Variants in MSRB1 observed in about 807,000 individuals in gnomAD.
MSRB1 encodes methionine sulfoxide reductase B1.
In MSRB1, 13 loss-of-function variants were observed where a neutral mutation model predicts 15.2. The ratio of observed to expected loss-of-function variants is 0.86; its 90% CI spans 0.56 to 1.36. The LOEUF is 1.36. MSRB1 is among the 40% of genes most tolerant of loss of function. MSRB1 has a pLI of 0.00. For synonymous variants in MSRB1, 68 were observed against 64.5 expected, an observed-to-expected ratio of 1.05 and a Z score of -0.26; for missense variants, 174 against 155.9, an observed-to-expected ratio of 1.12 and a Z score of -0.62.
chr16:1,940,245 T>C (rs138792635), intron 3 of MSRB1, among the ~76,000 whole-genome samples: 3 of 149,972 alleles, frequency 2.0e-5, no homozygotes, highest in African/African-American at 7.4e-5. Context: ...CACACCAGCC[T>C]GCACGACAGA....
At chr16:1,940,964 C>G (rs1255367155) in intron 2 of MSRB1, 72 bp from the exon 3 acceptor site, 2 of 1,602,894 alleles carry the variant, frequency 1.2e-6, no homozygotes, top group African/African-American at 2.7e-5. Flanking sequence ...CTTACTGGGG[C>G]TGGCAGATGG....
intron 2 of MSRB1, 76 bp downstream of exon 2, chr16:1,941,181 A>G: frequency 6.3e-7 from 1 of 1,589,300 alleles, no homozygotes; most frequent in Non-Finnish European, 8.6e-7. Flanking sequence ...TGGGGCAAGC[A>G]GAGGGAGGAA....
chr16:1,943,120 G>A lies in MSRB1; in HGVS notation c.37C>T (p.Gln13Ter). 1.3e-6 allele frequency: 2 copies of A among 1,561,604 alleles called. No homozygotes were observed. Among genetic ancestry groups the A allele is most frequent in the Non-Finnish European group, 1.7e-6 (2 of 1,152,952 alleles). ...GACCAACCAGGTTCAAAGTGATTCTGGAAAACCTCGCCCCCGAAGAAGCTG... is the reference window on the plus strand; with the variant it reads ...GACCAACCAGGTTCAAAGTGATTCTAGAAAACCTCGCCCCCGAAGAAGCTG... ...FCSFFGGEVF[Q>*]NHFEPGVYVC... Residue 13 changes from glutamine (Q) to a stop codon, truncating the protein, a stop_gained, in exon 1 of 4, where the codon CAG becomes TAG. Transcript: ENST00000361871. LOFTEE classifies it high-confidence loss of function.
At chr16:1,940,327 A>G (rs1422863167) in intron 3 of MSRB1, among the ~76,000 whole-genome samples, 1 of 150,420 alleles carries the variant, frequency 6.6e-6, no homozygotes, top group East Asian at 1.9e-4. Flanking sequence ...TGCCAGGCCC[A>G]GGTGCACGTG....
intron 1 of MSRB1, 85 bp from the exon 2 acceptor site, chr16:1,941,490 GAC>G (rs767240231): frequency 8.7e-6 from 13 of 1,486,250 alleles, no homozygotes; most frequent in Non-Finnish European, 1.1e-5. Context: ...CCCAGGCAAA[GAC>G]AGCGCTGCCC....
chr16:1,940,687 T>A, intron 3 of MSRB1, 91 bp downstream of exon 3: 1 of 1,450,516 alleles, frequency 6.9e-7, no homozygotes, highest in Non-Finnish European at 9.3e-7. Context: ...CCATACCTTG[T>A]CATGGTAAGT....
rs1047039697 is a variant in MSRB1 at position 1,943,063 on chromosome 16, C to A, written c.55+39G>T. On this transcript the variant is annotated intron_variant, in intron 1 of 3. Transcript: ENST00000361871. ...GGCGCCCCCGCTAATGCGCGCCCCC[C>A]GCCGCGCTGCCCTCCCAGCGAGAGG... is the stretch of plus-strand genomic sequence containing the variant. The A allele has an allele frequency of 7.1e-6, 11 of 1,548,766 alleles. No individual in the cohort carries two copies. In the African/African-American group the frequency reaches 1.1e-4, roughly 15 times the overall value.
At chr16:1,941,157 A>C (rs1269072444) in intron 2 of MSRB1, 100 bp downstream of exon 2, 2 of 1,565,526 alleles carry the variant, frequency 1.3e-6, no homozygotes, top group Admixed American at 3.8e-5. Context: ...GACGCCTCTA[A>C]GCCCCTGGAG....
At chr16:1,941,001 A>G (rs781303447) in intron 2 of MSRB1, 109 bp from the exon 3 acceptor site, 2 of 1,565,400 alleles carry the variant, frequency 1.3e-6, no homozygotes, top group Non-Finnish European at 1.7e-6. Context: ...CCTATTTCCC[A>G]AGCTGACCGC....
chr16:1,943,029 G>C, intron 1 of MSRB1, 73 bp downstream of exon 1: 1 of 1,537,868 alleles, frequency 6.5e-7, no homozygotes, highest in Non-Finnish European at 8.8e-7. Flanking sequence ...ATCACCCCCG[G>C]ACGACGGCGG....
chr16:1,939,639 G>C (rs146646809), intron 3 of MSRB1, among the ~76,000 whole-genome samples: 45 of 152,178 alleles, frequency 3.0e-4, no homozygotes, highest in Admixed American at 7.2e-4. Flanking sequence ...GCCACATAGT[G>C]AGACCCCCAT....
chr16:1,940,000 G>C (rs2083066010), intron 3 of MSRB1, among the ~76,000 whole-genome samples: 1 of 151,616 alleles, frequency 6.6e-6, no homozygotes, highest in South Asian at 2.1e-4. Context: ...GGCTGGGCGT[G>C]GTGGCTCATG....
chr16:1,941,269 A>G lies in MSRB1; in HGVS notation c.192T>C (p.Ser64=), dbSNP rs1189372867. 2.5e-6 allele frequency: 4 copies of G among 1,609,886 alleles called. No homozygotes were observed. In the East Asian group the frequency reaches 9.0e-5, roughly 36 times the overall value. The part of the protein sequence containing the change: ...SVAKRPEHNR[S]EALKVSCGKC... ...TGTGGCCTCTCACCTTCAAGGCTTC[A>G]GATCTATTGTGCTCCGGACGCTTGG... is the stretch of plus-strand genomic sequence containing the variant. Residue 64 remains serine, a synonymous_variant, in exon 2 of 4, where the codon TCT becomes TCC. Coordinates refer to ENST00000361871, the MANE Select transcript of MSRB1 (RefSeq NM_016332.4).
chr16:1,939,272 G>A, intron 3 of MSRB1, 129 bp from the exon 4 acceptor site: 2 of 1,075,298 alleles, frequency 1.9e-6, no homozygotes, highest in South Asian at 3.2e-5. Context: ...CAGAGCTTCA[G>A]GTGCCGTTCC....
chr16:1,940,723 CAG>C, intron 3 of MSRB1, 53 bp downstream of exon 3: 3 of 1,562,902 alleles, frequency 1.9e-6, no homozygotes, highest in Non-Finnish European at 2.6e-6. Context: ...CTGGGCCCCC[CAG>C]CCTGGGCTCA....
intron 1 of MSRB1, 150 bp downstream of exon 1, chr16:1,942,952 T>C: frequency 9.0e-7 from 1 of 1,106,372 alleles, no homozygotes; most frequent in South Asian, 1.5e-5. Flanking sequence ...TCCTCCGCAG[T>C]CCTTTTGACC....
chr16:1,942,803 C>T (rs2083087357), intron 1 of MSRB1, among the ~76,000 whole-genome samples: 1 of 152,150 alleles, frequency 6.6e-6, no homozygotes, highest in South Asian at 2.1e-4. Context: ...GGAAGGGGTA[C>T]CACCCCCACG....
rs768529841 is a variant in MSRB1 at position 1,939,117 on chromosome 16, G to A, written c.346C>T (p.His116Tyr). 2 of 1,610,678 alleles carry A rather than the reference G, an allele frequency of 1.2e-6. No individual in the cohort carries two copies. The highest frequency in any genetic ancestry group is 1.7e-6 in the Non-Finnish European group (2 of 1,179,062). The change falls in exon 4 of 4, where the codon CAC becomes TAC. Residue 116 changes from histidine (H) to tyrosine (Y), a missense_variant. Transcript: ENST00000361871. ...KGKETSASQG[H>Y] The stretch of plus-strand genomic sequence containing the variant: ...GGTGGGTGTGGGCTGCCCGCCTAGT[G>A]ACCCTGGGAGGCAGAAGTTTCTTTG...
At chr16:1,942,797 G>A (rs2083087227) in intron 1 of MSRB1, among the ~76,000 whole-genome samples, 1 of 152,154 alleles carries the variant, frequency 6.6e-6, no homozygotes, top group Non-Finnish European at 1.5e-5. Context: ...GGGTAGGGAA[G>A]GGGTACCACC....
Sources: allele counts gnomAD v4.1 joint callset (sites outside exome capture counted in the v4.1 genomes callset), GRCh38; gene constraint gnomAD v4.1.1; transcripts MANE v1.5; gene names NCBI Gene and HGNC (gene_info 2026-07-23, HGNC 2026-07-21).